Variants in TRIM25 observed in about 807,000 individuals in gnomAD.
TRIM25 encodes E3 ubiquitin/ISG15 ligase TRIM25.
Under a neutral mutation model 65.2 loss-of-function variants are expected in TRIM25, and 45 were observed. That is an observed-to-expected ratio of 0.69 (90% confidence interval 0.54 to 0.89). TRIM25 has a LOEUF of 0.89. Among genes scored for constraint, TRIM25 ranks in the 40% least tolerant of loss-of-function variants. TRIM25 has a pLI of 0.00. For missense variants in TRIM25, 714 were observed against 803.7 expected (o/e 0.89, Z 1.35); for synonymous variants, 321 against 340.4 (o/e 0.94, Z 0.63).
chr17:56,913,815 C>T lies in TRIM25; in HGVS notation c.174G>A (p.Gln58=), dbSNP rs574593322. The change falls in exon 1 of 9, where the codon CAG becomes CAA. Residue 58 remains glutamine, a synonymous_variant. Coordinates refer to ENST00000316881, the MANE Select transcript of TRIM25 (RefSeq NM_005082.5). This position sits in a 1 kb window ranked among gnomAD's most constrained non-coding sequence, Gnocchi z 6.1. ...YLCPQCRAVY[Q]ARPQLHKNTV... ...TGTTCTTGTGCAGCTGCGGTCGCGC[C>T]TGGTAGACGGCGCGGCACTGCGGGC... 323 of 1,564,868 alleles carry T rather than the reference C, an allele frequency of 2.1e-4. No homozygotes were observed. Among genetic ancestry groups the T allele is most frequent in the Admixed American group, 7.4e-4 (39 of 52,604 alleles).
chr17:56,897,823 A>G (rs1909323555), intron 5 of TRIM25, among the ~76,000 whole-genome samples: 1 of 151,960 alleles, frequency 6.6e-6, no homozygotes, highest in South Asian at 2.1e-4. Context: ...GTACCTTTCC[A>G]CTTCCTCTTT....
rs141126082 is a variant in TRIM25, at chr17:56,901,787, A to G, written c.928-209T>C. Reference sequence around the variant, plus strand: ...CTGGAGGGGACCCCAGAGGTCACTCATCTTACAGATGGGGAAACTGAGGTC... The same window carrying G: ...CTGGAGGGGACCCCAGAGGTCACTCGTCTTACAGATGGGGAAACTGAGGTC... On this transcript the variant is annotated intron_variant, in intron 3 of 8. Coordinates refer to ENST00000316881, the MANE Select transcript of TRIM25 (RefSeq NM_005082.5). 1.9e-3 allele frequency among the ~76,000 whole-genome samples: 294 copies of G among 152,320 alleles called. 1 individual carries two copies. Among genetic ancestry groups the G allele is most frequent in the Admixed American group, 3.7e-3 (57 of 15,306 alleles).
At position 56,913,509 on chromosome 17, in the gene TRIM25, G is replaced by A; in HGVS notation, c.480C>T (p.His160=). ...RDLLRRKCSQ[H]NRLREFFCPE... Reference sequence around the variant, plus strand: ...GGCAGAAAAATTCCCGCAGCCGATTGTGCTGGGAACATTTGCGGCGCAACA... The same window carrying A: ...GGCAGAAAAATTCCCGCAGCCGATTATGCTGGGAACATTTGCGGCGCAACA... The change falls in exon 1 of 9, where the codon CAC becomes CAT. Residue 160 remains histidine (H), a synonymous_variant. Transcript: ENST00000316881. The surrounding 1 kb of genome is among the most constrained non-coding windows in gnomAD (Gnocchi z 6.1). 1 of 1,613,890 alleles carries A rather than the reference G, an allele frequency of 6.2e-7. No homozygotes were observed. Among genetic ancestry groups the A allele is most frequent in the Non-Finnish European group, 8.5e-7 (1 of 1,179,872 alleles).
At chr17:56,900,404 C>T (rs967342950) in intron 4 of TRIM25, among the ~76,000 whole-genome samples, 2 of 152,070 alleles carry the variant, frequency 1.3e-5, no homozygotes. Flanking sequence ...AAATAAGCCG[C>T]AGCCCCTGAC....
At chr17:56,899,567 C>A (rs1283016593) in intron 4 of TRIM25, among the ~76,000 whole-genome samples, 1 of 152,090 alleles carries the variant, frequency 6.6e-6, no homozygotes, top group Admixed American at 6.5e-5. Context: ...GTTCCTTTCC[C>A]ACTATTCTTT....
intron 2 of TRIM25, 61 bp downstream of exon 2, chr17:56,908,407 C>G (rs1909561274): frequency 2.6e-6 from 4 of 1,526,508 alleles, no homozygotes; most frequent in Non-Finnish European, 1.8e-6. Flanking sequence ...CACGCCCATC[C>G]CGCGTGGAAG....
intron 8 of TRIM25, 99 bp from the exon 9 acceptor site, chr17:56,892,328 T>C: frequency 6.7e-6 from 9 of 1,352,708 alleles, no homozygotes; most frequent in Non-Finnish European, 9.0e-6. Flanking sequence ...GTTTTATCCA[T>C]CCATGCACCC....
In TRIM25 at chr17:56,892,095, G is replaced by A. The variant is rs1909186518; in HGVS notation, c.1498C>T (p.Gln500Ter). ...TTGTAGCAGTGCAGGCCCAGCACCT[G>A]AGAGCAGTATGTGAACCTCTGGGGA... ...PHPQRFTYCS[Q>*]VLGLHCYKKG... is the part of the protein sequence containing the mutation. Residue 500 changes from glutamine (Q) to a stop codon, truncating the protein, a stop_gained, in exon 9 of 9, where the codon CAG becomes TAG. Transcript: ENST00000316881. LOFTEE classifies it high-confidence loss of function. 1 of 1,614,192 alleles carries A rather than the reference G, an allele frequency of 6.2e-7. No homozygotes were observed. The highest frequency in any genetic ancestry group is 8.5e-7 in the Non-Finnish European group (1 of 1,180,040).
At chr17:56,904,619 G>C in intron 2 of TRIM25, 131 bp from the exon 3 acceptor site, 1 of 770,676 alleles carries the variant, frequency 1.3e-6, no homozygotes, top group South Asian at 1.7e-5. Flanking sequence ...ACCACTGTGG[G>C]GAGCAACTTG....
At chr17:56,909,007 C>T (rs1909575062) in intron 1 of TRIM25, among the ~76,000 whole-genome samples, 1 of 152,008 alleles carries the variant, frequency 6.6e-6, no homozygotes, top group African/African-American at 2.4e-5. Context: ...GCCAATGAAA[C>T]TCAAGCAAGG....
At chr17:56,893,606 G>C (rs1374678639) in intron 8 of TRIM25, among the ~76,000 whole-genome samples, 1 of 152,256 alleles carries the variant, frequency 6.6e-6, no homozygotes, top group Admixed American at 6.5e-5. Flanking sequence ...CATGGAAGTG[G>C]GTACCACTGG....
At position 56,891,815 on chromosome 17, in the gene TRIM25, A is replaced by G. The variant is rs1355779400; in HGVS notation, c.1778T>C (p.Val593Ala). 6.2e-7 allele frequency: 1 copy of G among 1,614,258 alleles called. No homozygotes were observed. Reference protein sequence around the residue: ...CDHGFVIFFAVADKVHLMYKF... With the variant: ...CDHGFVIFFAAADKVHLMYKF... The stretch of plus-strand genomic sequence containing the variant: ...ATACATCAGGTGGACCTTGTCGGCA[A>G]CAGCGAAGAAGATGACAAAGCCGTG... The change falls in exon 9 of 9, where the codon GTT (valine) becomes GCT (alanine). Residue 593 changes from valine to alanine, a missense_variant. By Grantham distance (64) the Val-to-Ala change is moderately conservative. Transcript: ENST00000316881.
chr17:56,891,564 CTCCCGCCAGCT>C lies in TRIM25; in HGVS notation c.*125_*135del. 1 of 697,154 alleles carries C rather than the reference CTCCCGCCAGCT, an allele frequency of 1.4e-6. No individual in the cohort carries two copies. Among genetic ancestry groups the C allele is most frequent in the Admixed American group, 3.1e-5 (1 of 32,062 alleles). The allele number at this position is 697,154 out of a possible 1,614,324, so 43.2% of individuals were successfully genotyped here. A position where few individuals can be genotyped will look rare whatever the true frequency, so the allele number is the denominator to read the frequency against. ...TCCTGGCTAAATCCCACCTCCCACC[CTCCCGCCAGCT>C]CCCCTCCCATGCTCCCAATCCTTGG... On this transcript the variant is annotated 3_prime_UTR_variant, in exon 9 of 9. Transcript: ENST00000316881.
rs1012148030 is a variant in TRIM25 at position 56,890,650 on chromosome 17, G to C, written c.*1050C>G. 10 of 456,578 alleles carry C rather than the reference G, an allele frequency of 2.2e-5. No individual in the cohort carries two copies. Among genetic ancestry groups the C allele is most frequent in the Non-Finnish European group, 4.4e-5 (10 of 226,966 alleles). 28.3% of individuals were successfully genotyped at this position (456,578 alleles called of 1,614,324 possible). A position where few individuals can be genotyped will look rare whatever the true frequency, so the allele number is the denominator to read the frequency against. Reference sequence around the variant, plus strand: ...CATGATAGCAGGCTTCAGGGATCCAGCTTAGCTGGAGGCTTGACTGTGCTA... The same window carrying C: ...CATGATAGCAGGCTTCAGGGATCCACCTTAGCTGGAGGCTTGACTGTGCTA... On this transcript the variant is annotated 3_prime_UTR_variant, in exon 9 of 9. Transcript: ENST00000316881.
chr17:56,891,609 G>C lies in TRIM25; in HGVS notation c.*91C>G. 8.5e-7 allele frequency: 1 copy of C among 1,171,704 alleles called. No individual in the cohort carries two copies. Among genetic ancestry groups the C allele is most frequent in the Non-Finnish European group, 1.1e-6 (1 of 890,030 alleles). The allele number at this position is 1,171,704 out of a possible 1,614,324, so 72.6% of individuals were successfully genotyped here. A position where few individuals can be genotyped will look rare whatever the true frequency, so the allele number is the denominator to read the frequency against. ...ATGCTCCCAATCCTTGGGACCTCTT[G>C]GGGAATTATCCAAGGAGAGTTCTGC... is the stretch of plus-strand genomic sequence containing the variant. On this transcript the variant is annotated 3_prime_UTR_variant, in exon 9 of 9. Coordinates refer to ENST00000316881, the MANE Select transcript of TRIM25 (RefSeq NM_005082.5).
chr17:56,892,557 C>CCATT (rs970780208), intron 8 of TRIM25, among the ~76,000 whole-genome samples: 1 of 152,190 alleles, frequency 6.6e-6, no homozygotes, highest in Non-Finnish European at 1.5e-5. Flanking sequence ...TTCCATTTAT[C>CCATT]CATTCATTCA....
intron 5 of TRIM25, 199 bp downstream of exon 5, chr17:56,898,916 G>A: frequency 3.4e-6 from 2 of 584,812 alleles, no homozygotes; most frequent in Non-Finnish European, 6.1e-6. Context: ...GTTCCAGGCA[G>A]CCCAAACGTG....
rs757202057 is a variant in TRIM25 at position 56,913,395 on chromosome 17, C to T, written c.594G>A (p.Leu198=). The part of the protein sequence containing the change: ...PASLSQASAD[L]EATLRHKLTV... ...CACCCAGCAGGCCGTTCCCTACCTC[C>T]AGGTCGGCGCTGGCCTGGCTCAGGG... The change falls in exon 1 of 9, where the codon CTG becomes CTA. Residue 198 remains leucine, a synonymous_variant. Transcript: ENST00000316881. The surrounding 1 kb of genome is among the most constrained non-coding windows in gnomAD (Gnocchi z 6.1). 6.4e-7 allele frequency: 1 copy of T among 1,558,418 alleles called. No individual in the cohort carries two copies. The highest frequency in any genetic ancestry group is 2.3e-5 in the East Asian group (1 of 44,006).
chr17:56,894,966 A>G (rs1033609273), intron 8 of TRIM25, among the ~76,000 whole-genome samples: 13 of 152,132 alleles, frequency 8.5e-5, no homozygotes, highest in Non-Finnish European at 1.2e-4. Context: ...GTGGCTCTGG[A>G]GAGTGGTGGG....
Sources: allele counts gnomAD v4.1 joint callset (sites outside exome capture counted in the v4.1 genomes callset), GRCh38; gene constraint gnomAD v4.1.1; non-coding constraint Gnocchi (gnomAD v3.1); transcripts MANE v1.5; gene names NCBI Gene and HGNC (gene_info 2026-07-23, HGNC 2026-07-21).